DNAH8: variants seen among roughly 807,000 people sequenced by gnomAD.
The protein encoded by DNAH8 is axonemal beta dynein heavy chain 8.
Under a neutral mutation model 562.1 loss-of-function variants are expected in DNAH8, and 382 were observed. The ratio of observed to expected loss-of-function variants is 0.68; its 90% CI spans 0.63 to 0.74. The LOEUF (loss-of-function observed/expected upper bound fraction) is 0.74. Ranked by LOEUF, DNAH8 falls within the 30% of genes least tolerant of loss-of-function variation. The probability of loss-of-function intolerance (pLI) is 0.00; values close to 1 mark genes in which losing one functional copy is unlikely to be tolerated. For synonymous variants in DNAH8, 1,881 were observed against 1,919.4 expected, an observed-to-expected ratio of 0.98 and a Z score of 0.52; for missense variants, 5,203 against 5,620.4, an observed-to-expected ratio of 0.93 and a Z score of 2.37.
intron 12 of DNAH8, 86 bp downstream of exon 12, chr6:38,770,645 T>C: frequency 7.8e-7 from 1 of 1,277,182 alleles, no homozygotes. Context: ...TGAGAATTAT[T>C]GTTCCTGATC....
chr6:38,848,259 C>T (rs1331572095), intron 36 of DNAH8, among the ~76,000 whole-genome samples: 1 of 152,168 alleles, frequency 6.6e-6, no homozygotes, highest in African/African-American at 2.4e-5. Flanking sequence ...AGACCAGTAA[C>T]AGTGTCTCAC....
intron 82 of DNAH8, among the ~76,000 whole-genome samples, chr6:38,964,827 T>A (rs1762866445): frequency 6.6e-6 from 1 of 152,114 alleles, no homozygotes; most frequent in Non-Finnish European, 1.5e-5. Context: ...TTTAGGAGGC[T>A]GAGGCAGAAG....
At chr6:38,819,182 G>A (rs1216409457) in intron 26 of DNAH8, among the ~76,000 whole-genome samples, 3 of 152,158 alleles carry the variant, frequency 2.0e-5, no homozygotes, top group Non-Finnish European at 4.4e-5. Context: ...AACAATTAAT[G>A]TTCTTTCCTT....
intron 76 of DNAH8, among the ~76,000 whole-genome samples, chr6:38,932,256 A>C (rs570658211): frequency 6.6e-6 from 1 of 151,198 alleles, no homozygotes; most frequent in African/African-American, 2.4e-5. Context: ...TTCTAGGTGT[A>C]CTGACTCTCT....
rs765621870 is a variant in DNAH8, at chr6:38,853,352, GA to G, written c.5733+7del. ...CTCAGCCACTTTCCAGCACAGGTGA[GA>G]ATACACAATGCTTAAGTAATGGTGA... is the stretch of plus-strand genomic sequence containing the variant. On this transcript the variant is annotated splice_donor_region_variant and intron_variant, in intron 41 of 92. Transcript: ENST00000327475. The G allele has an allele frequency of 1.2e-6, 2 of 1,610,476 alleles. No individual in the cohort carries two copies. Among genetic ancestry groups the G allele is most frequent in the Non-Finnish European group, 1.7e-6 (2 of 1,178,758 alleles).
At chr6:38,746,332 C>T (rs1764928467) in intron 8 of DNAH8, among the ~76,000 whole-genome samples, 1 of 152,068 alleles carries the variant, frequency 6.6e-6, no homozygotes, top group African/African-American at 2.4e-5. Context: ...TTCTGATTCC[C>T]TTACTCTGTT....
At chr6:38,932,183 AACACACACACAC>A (rs70981599) in intron 76 of DNAH8, among the ~76,000 whole-genome samples, 190 bp downstream of exon 76, 1 of 139,788 alleles carries the variant, frequency 7.2e-6, no homozygotes, top group East Asian at 2.1e-4. Flanking sequence ...TCCAGCCTGA[AACACACACACAC>A]ACACACACAC....
At chr6:38,743,008 T>C (rs1373970449) in intron 8 of DNAH8, among the ~76,000 whole-genome samples, 1 of 5,934 alleles carries the variant, frequency 1.7e-4, no homozygotes, top group Non-Finnish European at 3.1e-4. Context: ...GTTGTTGTGC[T>C]TTTTTTTTTT....
chr6:38,875,022 A>C (rs919182676), intron 52 of DNAH8, among the ~76,000 whole-genome samples: 5 of 152,184 alleles, frequency 3.3e-5, no homozygotes, highest in Non-Finnish European at 7.3e-5. Flanking sequence ...AGTATTAATA[A>C]ATATTTTAGG....
chr6:38,721,862 TCTCA>T (rs2127563056), intron 1 of DNAH8, among the ~76,000 whole-genome samples: 1 of 152,340 alleles, frequency 6.6e-6, no homozygotes, highest in East Asian at 1.9e-4. Context: ...CCTCAGAATT[TCTCA>T]CTAGAAACCT....
At chr6:38,753,406 A>G (rs895099996) in intron 9 of DNAH8, among the ~76,000 whole-genome samples, 20 of 152,332 alleles carry the variant, frequency 1.3e-4, no homozygotes, top group African/African-American at 4.6e-4. Flanking sequence ...CAGATTGCTC[A>G]CAAGATTTGA....
chr6:38,919,056 T>C (rs1781508048), intron 70 of DNAH8, among the ~76,000 whole-genome samples: 1 of 151,052 alleles, frequency 6.6e-6, no homozygotes, highest in South Asian at 2.1e-4. Context: ...AAAAAGATAC[T>C]AAGGGAGAAA....
In DNAH8 at chr6:38,787,972, A is replaced by G. The variant is rs148206817; in HGVS notation, c.2583+1020A>G. On this transcript the variant is annotated intron_variant, in intron 18 of 92. Coordinates refer to ENST00000327475, the MANE Select transcript of DNAH8 (RefSeq NM_001206927.2). Reference sequence around the variant, plus strand: ...ACATTTTTTTTCCAGTACAATTAGTAATAGCAAAAGACTGGAGTCTAACTC... The same window carrying G: ...ACATTTTTTTTCCAGTACAATTAGTGATAGCAAAAGACTGGAGTCTAACTC... 1.2e-4 allele frequency among the ~76,000 whole-genome samples: 18 copies of G among 152,272 alleles called. No individual in the cohort carries two copies. In the East Asian group the frequency reaches 2.9e-3, roughly 24 times the overall value.
chr6:38,836,318 G>A (rs1219359496), intron 32 of DNAH8, among the ~76,000 whole-genome samples: 4 of 151,978 alleles, frequency 2.6e-5, no homozygotes, highest in African/African-American at 9.7e-5. Flanking sequence ...ATTGTGGCAT[G>A]TGCCTGTAAT....
intron 1 of DNAH8, among the ~76,000 whole-genome samples, chr6:38,719,033 C>G (rs1296676894): frequency 6.6e-6 from 1 of 152,178 alleles, no homozygotes; most frequent in African/African-American, 2.4e-5. Flanking sequence ...GTCCACGTTT[C>G]TCTCTTCCTT....
intron 40 of DNAH8, among the ~76,000 whole-genome samples, 174 bp downstream of exon 40, chr6:38,852,972 T>G (rs1011936372): frequency 2.0e-5 from 3 of 152,194 alleles, no homozygotes; most frequent in Admixed American, 2.0e-4. Flanking sequence ...AGACTCATTT[T>G]GTAATTTATG....
chr6:39,003,906 G>A (rs140860731), intron 88 of DNAH8, among the ~76,000 whole-genome samples: 18 of 151,910 alleles, frequency 1.2e-4, no homozygotes, highest in African/African-American at 3.9e-4. Flanking sequence ...GCTTTTTTAC[G>A]CCACTCTTTC....
chr6:38,959,120 A>G (rs926424893), intron 82 of DNAH8, among the ~76,000 whole-genome samples: 1 of 152,208 alleles, frequency 6.6e-6, no homozygotes, highest in Non-Finnish European at 1.5e-5. Context: ...GTATGAAGGA[A>G]TGTACCTCAA....
chr6:38,955,294 T>TTA (rs1170594182), intron 82 of DNAH8, among the ~76,000 whole-genome samples: 1 of 152,022 alleles, frequency 6.6e-6, no homozygotes, highest in Non-Finnish European at 1.5e-5. Context: ...TTTATTTGCA[T>TTA]TATTCTGAAA....
Sources: gnomAD v4.1 joint callset for allele counts (sites outside exome capture counted in the v4.1 genomes callset) on GRCh38, gnomAD v4.1.1 for gene constraint, MANE v1.5 for transcripts, NCBI Gene and HGNC (gene_info 2026-07-23, HGNC 2026-07-21) for gene names.